Variants in AGBL1 observed in about 807,000 individuals in gnomAD.
AGBL1 encodes the protein cytosolic carboxypeptidase 4.
AGBL1 carries 130 observed loss-of-function variants against 118.9 expected under a neutral mutation model. That is an observed-to-expected ratio of 1.09 (90% CI 0.95 to 1.26). AGBL1 has a LOEUF of 1.26. Ranked by LOEUF, AGBL1 falls within the 50% of genes most tolerant of loss-of-function variation. AGBL1 has a pLI of 0.00. For synonymous variants in AGBL1, 555 were observed against 478.9 expected (o/e 1.16, Z -2.08); for missense variants, 1,584 against 1,298.1 (o/e 1.22, Z -3.38).
chr15:86,390,755 C>T (rs1233416215), intron 17 of AGBL1, among the ~76,000 whole-genome samples: 5 of 144,340 alleles, frequency 3.5e-5, no homozygotes, highest in Non-Finnish European at 4.5e-5. Context: ...CTGCAAACTC[C>T]GCCTATTGAG....
chr15:86,764,656 T>A (rs983935277), intron 22 of AGBL1, among the ~76,000 whole-genome samples: 3 of 152,080 alleles, frequency 2.0e-5, no homozygotes, highest in African/African-American at 7.2e-5. Context: ...GTGTTATAGA[T>A]TTGATTATCA....
chr15:86,403,285 G>A (rs749066359), intron 18 of AGBL1, among the ~76,000 whole-genome samples: 5 of 152,074 alleles, frequency 3.3e-5, no homozygotes, highest in Non-Finnish European at 7.4e-5. Context: ...GAGAACCAGG[G>A]CATATTGATT....
At chr15:86,702,740 TAACAGTC>T (rs1170765899) in intron 22 of AGBL1, among the ~76,000 whole-genome samples, 2 of 152,236 alleles carry the variant, frequency 1.3e-5, no homozygotes, top group East Asian at 3.9e-4. Flanking sequence ...TGTCTCCTCT[TAACAGTC>T]TAAGTACTTG....
downstream of AGBL1, among the ~76,000 whole-genome samples, chr15:86,920,364 C>G (rs973210462): frequency 3.9e-5 from 6 of 152,182 alleles, no homozygotes; most frequent in Non-Finnish European, 8.8e-5. Context: ...ATCTCTTTTA[C>G]TTCTACTAGC....
At chr15:86,926,451 G>A (rs1567243762) in intron 23 of AGBL1, among the ~76,000 whole-genome samples, 1 of 152,150 alleles carries the variant, frequency 6.6e-6, no homozygotes, top group African/African-American at 2.4e-5. Flanking sequence ...CTCCTTTTAA[G>A]AGACTCCATA....
intron 18 of AGBL1, among the ~76,000 whole-genome samples, chr15:86,466,912 C>A (rs898030368): frequency 6.6e-6 from 1 of 152,226 alleles, no homozygotes; most frequent in Non-Finnish European, 1.5e-5. Flanking sequence ...CCAGAGCTCT[C>A]CTGTATGAAG....
At chr15:86,629,450 A>G (rs1357267507) in intron 21 of AGBL1, among the ~76,000 whole-genome samples, 2 of 152,172 alleles carry the variant, frequency 1.3e-5, no homozygotes, top group African/African-American at 4.8e-5. Context: ...AACAGGACAT[A>G]CGAAGCCTAA....
chr15:86,992,811 A>C (rs560268228), intron 24 of AGBL1, among the ~76,000 whole-genome samples: 3 of 152,030 alleles, frequency 2.0e-5, no homozygotes, highest in African/African-American at 7.2e-5. Context: ...CACAATGGCT[A>C]TCTGGTGCAT....
chr15:86,112,862 A>G (rs896994014), intron 1 of AGBL1, among the ~76,000 whole-genome samples: 7 of 152,228 alleles, frequency 4.6e-5, no homozygotes, highest in African/African-American at 1.7e-4. Flanking sequence ...TTTTTTTTAA[A>G]ATAAGCCTAT....
intron 3 of AGBL1, among the ~76,000 whole-genome samples, chr15:86,151,443 A>G (rs545619915): frequency 6.6e-6 from 1 of 152,336 alleles, no homozygotes; most frequent in South Asian, 2.1e-4. Context: ...GATTATCTCA[A>G]TAGATGCAGA....
chr15:86,687,757 A>G (rs1233312026), intron 22 of AGBL1, among the ~76,000 whole-genome samples: 3 of 152,160 alleles, frequency 2.0e-5, no homozygotes, highest in East Asian at 3.9e-4. Context: ...AATGATTACA[A>G]TAATTTTAAT....
In AGBL1 at chr15:86,264,684, C is replaced by T. The variant is rs753103295; in HGVS notation, c.1513C>T (p.Arg505Cys). ...TAAGCTTCTGCAGACACATCTGAAG[C>T]GTGTCCCTTTCCACGATCCCTATCT... Reference protein sequence around the residue: ...IDKLLQTHLKRVPFHDPYLYM... With the variant: ...IDKLLQTHLKCVPFHDPYLYM... The change falls in exon 11 of 23, where the codon CGT becomes TGT. Residue 505 changes from arginine to cysteine, a missense_variant. Physicochemically the swap from Arg to Cys is radical, Grantham distance 180 (BLOSUM62 -3). Coordinates refer to ENST00000614907, the MANE Select transcript of AGBL1 (RefSeq NM_001386094.1). 79 of 1,613,898 alleles carry T rather than the reference C, an allele frequency of 4.9e-5. No individual in the cohort carries two copies. In the East Asian group the frequency reaches 9.4e-4, roughly 19 times the overall value.
chr15:86,448,004 G>C (rs1363975908), intron 18 of AGBL1, among the ~76,000 whole-genome samples: 1 of 152,038 alleles, frequency 6.6e-6, no homozygotes, highest in Non-Finnish European at 1.5e-5. Context: ...AACTAGCCGG[G>C]GGTGGTGGCA....
chr15:86,916,871 C>T (rs1383305094), downstream of AGBL1, among the ~76,000 whole-genome samples: 1 of 152,164 alleles, frequency 6.6e-6, no homozygotes, highest in Non-Finnish European at 1.5e-5. Context: ...GCCAGGCCTG[C>T]ACAATGATCT....
At chr15:86,797,787 C>G (rs527947928) in intron 22 of AGBL1, among the ~76,000 whole-genome samples, 1 of 152,182 alleles carries the variant, frequency 6.6e-6, no homozygotes, top group African/African-American at 2.4e-5. Context: ...AAGGGAAGGA[C>G]TTGGAAGAAC....
At chr15:86,556,190 G>T in intron 21 of AGBL1, 1 of 1,572,688 alleles carries the variant, frequency 6.4e-7, no homozygotes, top group Non-Finnish European at 8.7e-7. Flanking sequence ...ATGACTCATA[G>T]GTTCAGGCCC....
intron 22 of AGBL1, among the ~76,000 whole-genome samples, chr15:86,708,049 A>G (rs182397715): frequency 6.6e-6 from 1 of 152,224 alleles, no homozygotes; most frequent in East Asian, 1.9e-4. Context: ...GTCTGTAGCT[A>G]CTGCTTGACA....
chr15:86,827,444 T>C (rs1264236865), intron 22 of AGBL1, among the ~76,000 whole-genome samples: 1 of 7,388 alleles, frequency 1.4e-4, no homozygotes, highest in African/African-American at 6.8e-4. Context: ...TATATATATG[T>C]GTGTGTATAT....
intron 22 of AGBL1, among the ~76,000 whole-genome samples, chr15:86,860,992 C>T (rs1423083398): frequency 1.3e-5 from 2 of 152,104 alleles, no homozygotes; most frequent in Non-Finnish European, 2.9e-5. Flanking sequence ...AGTCTTGCAC[C>T]TGCCCTAGAT....
Sources: gnomAD v4.1 joint callset for allele counts (sites outside exome capture counted in the v4.1 genomes callset) on GRCh38, gnomAD v4.1.1 for gene constraint, MANE v1.5 for transcripts, NCBI Gene and HGNC (gene_info 2026-07-23, HGNC 2026-07-21) for gene names.